Variants in GPHN observed in about 807,000 individuals in gnomAD.
GPHN encodes gephyrin.
Under a neutral mutation model 95.5 loss-of-function variants are expected in GPHN, and 17 were observed. That is an observed-to-expected ratio of 0.18 (90% CI 0.12 to 0.27). The LOEUF is 0.27. GPHN is among the 10% of genes least tolerant of loss of function. GPHN has a pLI of 1.00. For synonymous variants in GPHN, 320 were observed against 322.5 expected (o/e 0.99, Z 0.08); for missense variants, 660 against 978.1 (o/e 0.67, Z 4.34).
intron 5 of GPHN, among the ~76,000 whole-genome samples, chr14:66,903,593 A>AT (rs1411902120): frequency 6.6e-6 from 1 of 152,116 alleles, no homozygotes; most frequent in African/African-American, 2.4e-5. Context: ...TTCTTTATCC[A>AT]TTCAGGCACT....
At chr14:67,654,752 G>A in the GPHN span, among the ~76,000 whole-genome samples, 63 of 152,126 alleles carry the variant, frequency 4.1e-4, no homozygotes, top group African/African-American at 1.2e-3. Flanking sequence ...AATTTTGCCC[G>A]GGCGCAGTGG....
chr14:67,508,777 G>T, the GPHN span, among the ~76,000 whole-genome samples: 170 of 79,684 alleles, frequency 2.1e-3, 1 homozygote, highest in Non-Finnish European at 3.5e-3. Context: ...AAAAACAGAA[G>T]ACAATTAACT....
chr14:66,685,744 T>C (rs956354263), intron 2 of GPHN, among the ~76,000 whole-genome samples: 4 of 152,200 alleles, frequency 2.6e-5, no homozygotes, highest in South Asian at 4.1e-4. Context: ...AGAAGCTCTT[T>C]AGTTTAATTA....
At chr14:67,005,682 G>A (rs979693282) in intron 9 of GPHN, among the ~76,000 whole-genome samples, 1 of 151,764 alleles carries the variant, frequency 6.6e-6, no homozygotes, top group Non-Finnish European at 1.5e-5. Flanking sequence ...TCAATGCATT[G>A]GTTGATAAGT....
chr14:67,315,572 G>C, the GPHN span, among the ~76,000 whole-genome samples: 5 of 151,996 alleles, frequency 3.3e-5, no homozygotes, highest in African/African-American at 4.8e-5. Context: ...CACTGCACCC[G>C]ACCCCTTTAA....
At chr14:66,679,606 C>G (rs985463371) in intron 1 of GPHN, among the ~76,000 whole-genome samples, 32 of 152,156 alleles carry the variant, frequency 2.1e-4, no homozygotes, top group African/African-American at 7.2e-4. Context: ...TCCCACATAT[C>G]TCTTATGCTC....
At position 66,907,398 on chromosome 14, in the gene GPHN, C is replaced by T. The variant is rs1316487129; in HGVS notation, c.390-8605C>T. Among the ~76,000 whole-genome samples the T allele has an allele frequency of 2.0e-5, 3 of 152,120 alleles. No homozygotes were observed. The East Asian group carries it at 5.8e-4, about 29-fold the overall frequency. On this transcript the variant is annotated intron_variant, in intron 5 of 22. Coordinates refer to ENST00000478722, the MANE Select transcript of GPHN (RefSeq NM_020806.5). ...AAAATTATAAGAACAGTAAAATGAT[C>T]AGTGTTTGCCCAGAGTTTTTGAAAA...
At chr14:66,545,234 G>T (rs1432304115) in intron 1 of GPHN, among the ~76,000 whole-genome samples, 1 of 139,404 alleles carries the variant, frequency 7.2e-6, no homozygotes, top group Non-Finnish European at 1.5e-5. Flanking sequence ...CCTCCCGGAC[G>T]GGGCGGCTGG....
chr14:66,981,285 T>C (rs2070655322), intron 9 of GPHN, among the ~76,000 whole-genome samples: 1 of 152,198 alleles, frequency 6.6e-6, no homozygotes, highest in African/African-American at 2.4e-5. Flanking sequence ...TTTCATTTCT[T>C]TCTTCCTTCC....
chr14:67,653,425 A>T, the GPHN span: 1 of 1,612,808 alleles, frequency 6.2e-7, no homozygotes, highest in Non-Finnish European at 8.5e-7. Context: ...TCATGACTTT[A>T]ATAAAACTTA....
At chr14:67,123,067 C>A (rs1174452868) in intron 17 of GPHN, among the ~76,000 whole-genome samples, 2 of 152,070 alleles carry the variant, frequency 1.3e-5, no homozygotes, top group African/African-American at 4.8e-5. Flanking sequence ...CAAAAGTCAC[C>A]CTTTCCATTT....
chr14:67,107,782 C>T (rs949370531), intron 13 of GPHN, among the ~76,000 whole-genome samples: 2 of 152,160 alleles, frequency 1.3e-5, no homozygotes, highest in African/African-American at 2.4e-5. Context: ...AGAAATGACT[C>T]AACTCCCCAG....
At chr14:67,128,815 ATT>A (rs1157802353) in intron 17 of GPHN, among the ~76,000 whole-genome samples, 16 of 139,776 alleles carry the variant, frequency 1.1e-4, no homozygotes, top group Non-Finnish European at 1.1e-4. Flanking sequence ...GGCGCTTCTA[ATT>A]TTTTTTTTTT....
At chr14:66,683,329 AAT>A (rs59011754) in intron 2 of GPHN, among the ~76,000 whole-genome samples, 1 of 7,924 alleles carries the variant, frequency 1.3e-4, no homozygotes, top group African/African-American at 8.7e-4. Flanking sequence ...CCAATGTGGA[AAT>A]ATATATATAT....
intron 3 of GPHN, among the ~76,000 whole-genome samples, chr14:66,797,410 G>A (rs2060197695): frequency 6.6e-6 from 1 of 151,766 alleles, no homozygotes; most frequent in African/African-American, 2.4e-5. Flanking sequence ...TAAATCTGTA[G>A]ATTGCTTTGG....
intron 1 of GPHN, among the ~76,000 whole-genome samples, chr14:66,547,976 G>A (rs2059662006): frequency 6.6e-6 from 1 of 152,078 alleles, no homozygotes. Context: ...TTCACCTCAT[G>A]GATATTGCAT....
chr14:67,521,702 G>A, the GPHN span, among the ~76,000 whole-genome samples: 1 of 152,164 alleles, frequency 6.6e-6, no homozygotes, highest in South Asian at 2.1e-4. Context: ...TGTGCACTAA[G>A]ACAGCCCTGA....
chr14:67,707,163 G>A, the GPHN span, among the ~76,000 whole-genome samples: 5 of 151,902 alleles, frequency 3.3e-5, no homozygotes, highest in East Asian at 9.7e-4. Context: ...CTCCAAATTA[G>A]GAAAAATGGG....
chr14:66,872,078 A>C lies in GPHN; in HGVS notation c.295-7861A>C, dbSNP rs764604819. Among the ~76,000 whole-genome samples, 18 of 152,224 alleles carry C rather than the reference A, an allele frequency of 1.2e-4. 1 individual carries two copies. Among genetic ancestry groups the C allele is most frequent in the Non-Finnish European group, 2.4e-4 (16 of 68,036 alleles). ...AGGATTCACTGTACCAGTAAATTGCATCAATTCTGCTAATCCTGTATTCTG... is the reference window on the plus strand; with the variant it reads ...AGGATTCACTGTACCAGTAAATTGCCTCAATTCTGCTAATCCTGTATTCTG... On this transcript the variant is annotated intron_variant, in intron 4 of 22. Coordinates refer to ENST00000478722, the MANE Select transcript of GPHN (RefSeq NM_020806.5).
Sources: allele counts gnomAD v4.1 joint callset (sites outside exome capture counted in the v4.1 genomes callset), GRCh38; gene constraint gnomAD v4.1.1; transcripts MANE v1.5; gene names NCBI Gene and HGNC (gene_info 2026-07-23, HGNC 2026-07-21).